NRXN3: variants seen among roughly 807,000 people sequenced by gnomAD.
The protein encoded by NRXN3 is neurexin 3, also known as neurexin III.
In NRXN3, 32 loss-of-function variants were observed where a neutral mutation model predicts 137.6. The observed-to-expected ratio is 0.23, with a 90% CI of 0.18 to 0.31. The LOEUF (loss-of-function observed/expected upper bound fraction) is 0.31. NRXN3 is among the 10% of genes least tolerant of loss of function. NRXN3 has a pLI of 1.00. For missense variants in NRXN3, 1,574 were observed against 2,062.5 expected, an observed-to-expected ratio of 0.76 and a Z score of 4.59; for synonymous variants, 798 against 784.5, an observed-to-expected ratio of 1.02 and a Z score of -0.29.
At chr14:78,415,906 G>A (rs1392519428) in intron 4 of NRXN3, among the ~76,000 whole-genome samples, 1 of 151,622 alleles carries the variant, frequency 6.6e-6, no homozygotes, top group Non-Finnish European at 1.5e-5. Flanking sequence ...ACTGATCTCA[G>A]ACTTCCAACC....
intron 4 of NRXN3, among the ~76,000 whole-genome samples, chr14:78,401,843 A>G (rs961621046): frequency 6.6e-6 from 1 of 152,212 alleles, no homozygotes; most frequent in African/African-American, 2.4e-5. Flanking sequence ...GCAATACACA[A>G]TAGAGGAACA....
intron 1 of NRXN3, among the ~76,000 whole-genome samples, chr14:78,182,546 C>T (rs540121792): frequency 3.5e-4 from 53 of 152,264 alleles, no homozygotes; most frequent in African/African-American, 1.1e-3. Flanking sequence ...CTTGGCTCAC[C>T]GCAACCTCTG....
chr14:78,441,252 C>T (rs946205999), intron 4 of NRXN3, among the ~76,000 whole-genome samples: 4 of 152,178 alleles, frequency 2.6e-5, no homozygotes, highest in African/African-American at 9.7e-5. Flanking sequence ...CTTCCTCATC[C>T]AGATATATTC....
At chr14:78,374,556 T>G (rs1272362007) in intron 4 of NRXN3, among the ~76,000 whole-genome samples, 1 of 151,998 alleles carries the variant, frequency 6.6e-6, no homozygotes, top group Non-Finnish European at 1.5e-5. Flanking sequence ...GTGGATCACT[T>G]GAGGTCGAGT....
At chr14:78,654,448 A>T (rs907282434) in intron 6 of NRXN3, among the ~76,000 whole-genome samples, 11 of 152,218 alleles carry the variant, frequency 7.2e-5, no homozygotes, top group African/African-American at 2.7e-4. Flanking sequence ...GCTCCAGATC[A>T]TCAATATTTC....
intron 15 of NRXN3, among the ~76,000 whole-genome samples, chr14:79,217,411 G>A (rs2153230059): frequency 6.6e-6 from 1 of 152,248 alleles, no homozygotes; most frequent in Non-Finnish European, 1.5e-5. Flanking sequence ...AGCCATTCAT[G>A]AGGGATCCAT....
intron 15 of NRXN3, among the ~76,000 whole-genome samples, chr14:79,446,631 C>T (rs974806484): frequency 6.6e-6 from 1 of 152,080 alleles, no homozygotes; most frequent in African/African-American, 2.4e-5. Flanking sequence ...TCCCTGCCCC[C>T]TCCCTGTCTT....
intron 4 of NRXN3, among the ~76,000 whole-genome samples, chr14:78,351,809 G>A (rs2083544837): frequency 7.0e-6 from 1 of 143,268 alleles, no homozygotes; most frequent in Non-Finnish European, 1.5e-5. Flanking sequence ...GCCAAAAAGA[G>A]GTTTTAACAT....
intron 4 of NRXN3, among the ~76,000 whole-genome samples, chr14:78,528,508 C>A (rs1164802432): frequency 6.6e-6 from 1 of 152,138 alleles, no homozygotes; most frequent in Non-Finnish European, 1.5e-5. Flanking sequence ...ATATCATTGT[C>A]CCCATTTTAC....
Position 79,865,990 on chromosome 14 carries a change from TTTTC to T in NRXN3, c.*4030_*4033del, listed in dbSNP as rs1176337718. 1.3e-5 allele frequency: 2 copies of T among 152,206 alleles called. No individual in the cohort carries two copies. The highest frequency in any genetic ancestry group is 4.8e-5 in the African/African-American group (2 of 41,458). The allele number at this position is 152,206 out of a possible 1,614,324, so 9.4% of individuals were successfully genotyped here. A position where few individuals can be genotyped will look rare whatever the true frequency, so the allele number is the denominator to read the frequency against. On this transcript the variant is annotated 3_prime_UTR_variant, in exon 21 of 21. Coordinates refer to ENST00000335750, the MANE Select transcript of NRXN3 (RefSeq NM_001330195.2). ...TCTAGGACTACTTTAAGCATTCACT[TTTTC>T]TTTAATTCAAGAAACATTTATTGAA...
At chr14:79,355,530 A>C (rs2093393421) in intron 15 of NRXN3, among the ~76,000 whole-genome samples, 1 of 152,234 alleles carries the variant, frequency 6.6e-6, no homozygotes, top group Non-Finnish European at 1.5e-5. Flanking sequence ...AGAGTTCTCC[A>C]TTTTGTGAGA....
intron 8 of NRXN3, among the ~76,000 whole-genome samples, chr14:78,741,587 C>T (rs571780525): frequency 5.1e-4 from 78 of 152,196 alleles, no homozygotes; most frequent in African/African-American, 1.7e-3. Context: ...GAGAAAAGTA[C>T]GTACTCATGA....
intron 4 of NRXN3, among the ~76,000 whole-genome samples, chr14:78,512,805 A>G (rs1053478268): frequency 6.6e-6 from 1 of 152,154 alleles, no homozygotes; most frequent in African/African-American, 2.4e-5. Context: ...GAAAACCACA[A>G]GGTAGGAAGA....
chr14:78,198,077 C>T (rs1470792515), intron 1 of NRXN3, among the ~76,000 whole-genome samples: 5 of 152,204 alleles, frequency 3.3e-5, no homozygotes, highest in South Asian at 2.1e-4. Context: ...ACTCATCCTG[C>T]GGCCACTGCC....
intron 15 of NRXN3, among the ~76,000 whole-genome samples, chr14:79,376,543 A>G (rs904962946): frequency 6.6e-6 from 1 of 152,174 alleles, no homozygotes; most frequent in Non-Finnish European, 1.5e-5. Flanking sequence ...CATGAATTCA[A>G]ACAGTTCCCT....
At chr14:79,651,308 T>G (rs149121095) in intron 16 of NRXN3, among the ~76,000 whole-genome samples, 2,280 of 152,268 alleles carry the variant, frequency 0.015, 25 homozygotes, top group Non-Finnish European at 0.025. Flanking sequence ...GTACTCTACA[T>G]TTTCAAAAGT....
At chr14:78,746,092 AGGAC>A (rs2098605933) in intron 8 of NRXN3, among the ~76,000 whole-genome samples, 1 of 152,242 alleles carries the variant, frequency 6.6e-6, no homozygotes, top group Non-Finnish European at 1.5e-5. Context: ...ATTCTGCAAA[AGGAC>A]TGGTATTGAC....
intron 10 of NRXN3, among the ~76,000 whole-genome samples, chr14:78,926,226 AC>A (rs2099290056): frequency 6.6e-6 from 1 of 152,124 alleles, no homozygotes; most frequent in Non-Finnish European, 1.5e-5. Flanking sequence ...TGTTTTTCCT[AC>A]ATATACCTAT....
At chr14:78,181,595 G>A (rs1386691372) in intron 1 of NRXN3, among the ~76,000 whole-genome samples, 2 of 152,190 alleles carry the variant, frequency 1.3e-5, no homozygotes, top group Non-Finnish European at 2.9e-5. Flanking sequence ...CCTCAGGGAG[G>A]AGGGGATGAT....
Sources: gnomAD v4.1 joint callset for allele counts (sites outside exome capture counted in the v4.1 genomes callset) on GRCh38, gnomAD v4.1.1 for gene constraint, MANE v1.5 for transcripts, NCBI Gene and HGNC (gene_info 2026-07-23, HGNC 2026-07-21) for gene names.